The following ZBTB8A variants were observed in gnomAD, a reference collection of about 807,000 sequenced individuals.
The protein encoded by ZBTB8A is zinc finger and BTB domain containing 8A, also known as zinc finger and BTB domain-containing protein 8A.
In ZBTB8A, 19 loss-of-function variants were observed where a neutral mutation model predicts 37.8. The ratio of observed to expected loss-of-function variants is 0.50; its 90% CI spans 0.35 to 0.74. The LOEUF is 0.74. ZBTB8A is among the 30% of genes least tolerant of loss of function. The pLI, the probability that ZBTB8A is intolerant of heterozygous loss-of-function variation, is 0.01. For synonymous variants in ZBTB8A, 181 were observed against 185.2 expected (o/e 0.98, Z 0.19); for missense variants, 394 against 537.8 (o/e 0.73, Z 2.65).
intron 2 of ZBTB8A, among the ~76,000 whole-genome samples, chr1:32,556,327 C>T (rs1644202209): frequency 6.6e-6 from 1 of 152,080 alleles, no homozygotes; most frequent in African/African-American, 2.4e-5. Flanking sequence ...CTCAGCCTCC[C>T]AAAGTGCTAG....
chr1:32,547,412 G>A (rs1644114252), intron 1 of ZBTB8A, among the ~76,000 whole-genome samples: 1 of 142,348 alleles, frequency 7.0e-6, no homozygotes, highest in Admixed American at 7.0e-5. Context: ...AGAGTGCAGT[G>A]GCATGAGCAT....
Position 32,593,276 on chromosome 1 carries a change from G to T in ZBTB8A, c.345G>T (p.Lys115Asn). 1 of 1,614,108 alleles carries T rather than the reference G, an allele frequency of 6.2e-7. No individual in the cohort carries two copies. Among genetic ancestry groups the T allele is most frequent in the Non-Finnish European group, 8.5e-7 (1 of 1,180,030 alleles). ...LQMTDVISVC[K>N]TFIKSSLDIS... Reference sequence around the variant, plus strand: ...TGACTGATGTCATAAGTGTATGTAAGACTTTTATTAAATCTTCCTTAGACA... The same window carrying T: ...TGACTGATGTCATAAGTGTATGTAATACTTTTATTAAATCTTCCTTAGACA... The change falls in exon 3 of 5, where the codon AAG becomes AAT. Residue 115 changes from lysine (K) to asparagine (N), a missense_variant. Lys to Asn is a moderately conservative substitution (Grantham distance 94). Around this residue, in one of 4 missense-constraint regions of ZBTB8A, gnomAD observed 96 missense variants for 165.6 expected, o/e 0.58. Transcript: ENST00000373510.
intron 1 of ZBTB8A, among the ~76,000 whole-genome samples, chr1:32,545,173 A>G (rs991244575): frequency 6.6e-6 from 1 of 152,142 alleles, no homozygotes; most frequent in Admixed American, 6.6e-5. Flanking sequence ...TAGTATTTTC[A>G]TGTTTTTTAA....
intron 2 of ZBTB8A, among the ~76,000 whole-genome samples, chr1:32,581,534 T>C (rs1449518829): frequency 6.6e-6 from 1 of 151,100 alleles, no homozygotes; most frequent in African/African-American, 2.4e-5. Flanking sequence ...GTATTTTTAG[T>C]AGAGATGGGG....
chr1:32,583,132 A>G (rs993073840), intron 2 of ZBTB8A, among the ~76,000 whole-genome samples: 1 of 152,040 alleles, frequency 6.6e-6, no homozygotes, highest in Admixed American at 6.6e-5. Flanking sequence ...TGTAATCCCA[A>G]CACTTTGGGA....
At position 32,602,013 on chromosome 1, in the gene ZBTB8A, C is replaced by T; in HGVS notation, c.*1594C>T. 5.3e-6 allele frequency: 1 copy of T among 187,292 alleles called. No homozygotes were observed. Among genetic ancestry groups the T allele is most frequent in the East Asian group, 1.2e-4 (1 of 8,218 alleles). The allele number at this position is 187,292 out of a possible 1,614,324, so 11.6% of individuals were successfully genotyped here. A position where few individuals can be genotyped will look rare whatever the true frequency, so the allele number is the denominator to read the frequency against. ...TATAATATTTTCAAAACAAACTTTT[C>T]TCCTAGTATACAAAGTTTAAACTTC... On this transcript the variant is annotated 3_prime_UTR_variant, in exon 5 of 5. Coordinates refer to ENST00000373510, the MANE Select transcript of ZBTB8A (RefSeq NM_001040441.3).
Position 32,593,402 on chromosome 1 carries a change from A to G in ZBTB8A, c.471A>G (p.Glu157=), listed in dbSNP as rs368430034. The part of the protein sequence containing the change: ...RSSFYSGGWQ[E]GSSSPRSHLS... Reference sequence around the variant, plus strand: ...CTTTTTATAGTGGTGGCTGGCAAGAAGGAAGCAGTTCTCCACGTTCTCACC... The same window carrying G: ...CTTTTTATAGTGGTGGCTGGCAAGAGGGAAGCAGTTCTCCACGTTCTCACC... The change falls in exon 3 of 5, where the codon GAA becomes GAG. Residue 157 remains glutamate, a synonymous_variant. Transcript: ENST00000373510. The G allele has an allele frequency of 2.5e-6, 4 of 1,614,008 alleles. No homozygotes were observed. In the African/African-American group the frequency reaches 5.3e-5, roughly 22 times the overall value.
intron 2 of ZBTB8A, among the ~76,000 whole-genome samples, chr1:32,570,026 T>C (rs1351878128): frequency 6.6e-6 from 1 of 152,212 alleles, no homozygotes; most frequent in Non-Finnish European, 1.5e-5. Flanking sequence ...ATGATGTTTT[T>C]CTATGAACTT....
chr1:32,569,117 A>G (rs1018970562), intron 2 of ZBTB8A, among the ~76,000 whole-genome samples: 1 of 152,152 alleles, frequency 6.6e-6, no homozygotes, highest in Admixed American at 6.6e-5. Context: ...ATCCTTGCCA[A>G]CATTTGGTAT....
chr1:32,591,267 G>A lies in ZBTB8A; in HGVS notation c.-1-1664G>A, dbSNP rs145720794. On this transcript the variant is annotated intron_variant, in intron 2 of 4. Transcript: ENST00000373510. ...TGTGGCCCAGACTGGAGTACAGTGA[G>A]TGGCATGATCATGGCTCACTGCAGC... is the stretch of plus-strand genomic sequence containing the variant. Among the ~76,000 whole-genome samples the A allele has an allele frequency of 5.3e-5, 8 of 151,868 alleles. No homozygotes were observed. In the East Asian group the frequency reaches 1.6e-3, roughly 29 times the overall value.
At chr1:32,567,791 CAAAAAAAAAAAA>C (rs1214976482) in intron 2 of ZBTB8A, among the ~76,000 whole-genome samples, 52 of 6,442 alleles carry the variant, frequency 8.1e-3, no homozygotes, top group African/African-American at 0.034. Flanking sequence ...GATTCTGTCT[CAAAAAAAAAAAA>C]AAAAAAAAAA....
At position 32,603,954 on chromosome 1, in the gene ZBTB8A, G is replaced by C. The variant is rs546356799; in HGVS notation, c.*3535G>C. The C allele has an allele frequency of 3.9e-4, 59 of 152,314 alleles. No individual in the cohort carries two copies. Among genetic ancestry groups the C allele is most frequent in the African/African-American group, 1.3e-3 (56 of 41,560 alleles). 9.4% of individuals were successfully genotyped at this position (152,314 alleles called of 1,614,324 possible). On this transcript the variant is annotated 3_prime_UTR_variant, in exon 5 of 5. Transcript: ENST00000373510. ...CGTTAGAGACCAGTTATTTTCTAGA[G>C]TGAAACTGTCTATTGATGATTGAGA...
chr1:32,604,560 A>G lies in ZBTB8A; in HGVS notation c.*4141A>G, dbSNP rs962722832. On this transcript the variant is annotated 3_prime_UTR_variant, in exon 5 of 5. Coordinates refer to ENST00000373510, the MANE Select transcript of ZBTB8A (RefSeq NM_001040441.3). ...ATCCTTAGCACATGATGTTCCTTCTATGGGTATCAGATCTTAAGACTTTTT... is the reference window on the plus strand; with the variant it reads ...ATCCTTAGCACATGATGTTCCTTCTGTGGGTATCAGATCTTAAGACTTTTT... 6.6e-6 allele frequency: 1 copy of G among 152,138 alleles called. No homozygotes were observed. Among genetic ancestry groups the G allele is most frequent in the Non-Finnish European group, 1.5e-5 (1 of 68,034 alleles). The allele number at this position is 152,138 out of a possible 1,614,324, so 9.4% of individuals were successfully genotyped here. A position where few individuals can be genotyped will look rare whatever the true frequency, so the allele number is the denominator to read the frequency against.
intron 2 of ZBTB8A, among the ~76,000 whole-genome samples, chr1:32,585,689 C>T (rs1251794817): frequency 1.3e-5 from 2 of 151,950 alleles, no homozygotes; most frequent in African/African-American, 2.4e-5. Flanking sequence ...GTAGAAGGGT[C>T]GACAGCATTT....
chr1:32,594,144 A>C (rs1570369984), intron 3 of ZBTB8A, among the ~76,000 whole-genome samples: 1 of 151,514 alleles, frequency 6.6e-6, no homozygotes, highest in African/African-American at 2.4e-5. Flanking sequence ...CAGGGAGCTG[A>C]GATTACACCA....
At chr1:32,578,231 ATTTTTTT>A (rs561875455) in intron 2 of ZBTB8A, among the ~76,000 whole-genome samples, 2 of 135,092 alleles carry the variant, frequency 1.5e-5, no homozygotes, top group African/African-American at 5.5e-5. Flanking sequence ...CTCCTGGCTA[ATTTTTTT>A]TTTTTTTTTT....
At position 32,603,489 on chromosome 1, in the gene ZBTB8A, C is replaced by G. The variant is rs1644593116; in HGVS notation, c.*3070C>G. On this transcript the variant is annotated 3_prime_UTR_variant, in exon 5 of 5. Coordinates refer to ENST00000373510, the MANE Select transcript of ZBTB8A (RefSeq NM_001040441.3). Reference sequence around the variant, plus strand: ...TGAGGAAGGAAACGCTTGTCATTCTCTAGTCTTACCCAATTAATACTGACA... The same window carrying G: ...TGAGGAAGGAAACGCTTGTCATTCTGTAGTCTTACCCAATTAATACTGACA... 1 of 152,358 alleles carries G rather than the reference C, an allele frequency of 6.6e-6. No individual in the cohort carries two copies. The highest frequency in any genetic ancestry group is 2.1e-4 in the South Asian group (1 of 4,826). The allele number at this position is 152,358 out of a possible 1,614,324, so 9.4% of individuals were successfully genotyped here.
At chr1:32,566,063 G>C (rs1054212351) in intron 2 of ZBTB8A, among the ~76,000 whole-genome samples, 3 of 152,068 alleles carry the variant, frequency 2.0e-5, no homozygotes, top group African/African-American at 7.2e-5. Context: ...TTAGCCAGGC[G>C]TGGTGGCGGG....
chr1:32,593,787 G>C, intron 3 of ZBTB8A, 33 bp downstream of exon 3: 1 of 1,535,428 alleles, frequency 6.5e-7, no homozygotes, highest in African/African-American at 1.4e-5. Context: ...CCCTCATCCA[G>C]GTTCCAAACT....
Sources: allele counts gnomAD v4.1 joint callset (sites outside exome capture counted in the v4.1 genomes callset), GRCh38; gene constraint gnomAD v4.1.1; regional missense constraint gnomAD v4.1.1; transcripts MANE v1.5; gene names NCBI Gene and HGNC (gene_info 2026-07-23, HGNC 2026-07-21).